NPAS3: variants seen among roughly 807,000 people sequenced by gnomAD.
The protein encoded by NPAS3 is neuronal PAS domain protein 3, also known as neuronal PAS domain-containing protein 3.
In NPAS3, 14 loss-of-function variants were observed where a neutral mutation model predicts 73.1. The ratio of observed to expected loss-of-function variants is 0.19; its 90% CI spans 0.13 to 0.30. NPAS3 has a LOEUF of 0.30. NPAS3 is among the 10% of genes least tolerant of loss of function. NPAS3 has a pLI of 1.00. For synonymous variants in NPAS3, 620 were observed against 541.5 expected, an observed-to-expected ratio of 1.14 and a Z score of -2.01; for missense variants, 1,096 against 1,250.0, an observed-to-expected ratio of 0.88 and a Z score of 1.86.
chr14:33,054,169 C>A (rs1035673345), intron 1 of NPAS3, among the ~76,000 whole-genome samples: 1 of 152,108 alleles, frequency 6.6e-6, no homozygotes, highest in Non-Finnish European at 1.5e-5. Context: ...TAAACCTGGG[C>A]TTCATTTCAA....
chr14:33,124,054 A>G (rs1309702105), intron 2 of NPAS3, among the ~76,000 whole-genome samples: 2 of 151,632 alleles, frequency 1.3e-5, no homozygotes, highest in South Asian at 2.1e-4. Flanking sequence ...GGGTCTTGCC[A>G]TGTTGCCCTG....
At chr14:33,153,685 G>C (rs1000495681) in intron 2 of NPAS3, among the ~76,000 whole-genome samples, 1 of 152,076 alleles carries the variant, frequency 6.6e-6, no homozygotes, top group East Asian at 1.9e-4. Flanking sequence ...GCATCTCAAA[G>C]AGCTTTCATA....
chr14:33,177,366 G>T (rs1050838235), intron 2 of NPAS3, among the ~76,000 whole-genome samples: 1 of 151,738 alleles, frequency 6.6e-6, no homozygotes, highest in Non-Finnish European at 1.5e-5. Context: ...AAAGAGCTGG[G>T]TATCTTTTTA....
At chr14:33,666,444 C>T (rs1475158167) in intron 5 of NPAS3, among the ~76,000 whole-genome samples, 4 of 152,174 alleles carry the variant, frequency 2.6e-5, no homozygotes, top group African/African-American at 7.2e-5. Flanking sequence ...AAGTGTGAAT[C>T]GTGAACTAGC....
At chr14:33,783,048 T>G (rs2063030512) in intron 9 of NPAS3, among the ~76,000 whole-genome samples, 1 of 152,158 alleles carries the variant, frequency 6.6e-6, no homozygotes. Context: ...GGCCCTCCAT[T>G]GTAATTCCTT....
chr14:33,610,881 CT>C (rs984704256), intron 5 of NPAS3: 107 of 152,314 alleles, frequency 7.0e-4, no homozygotes, highest in African/African-American at 2.5e-3. Flanking sequence ...GTTCTAAAAA[CT>C]TTGCCCGAGA....
chr14:33,484,769 C>T (rs1405458140), intron 4 of NPAS3, among the ~76,000 whole-genome samples: 5 of 152,154 alleles, frequency 3.3e-5, no homozygotes, highest in Non-Finnish European at 5.9e-5. Flanking sequence ...CTCTACTGAT[C>T]GGCCAGCCTG....
chr14:33,121,175 T>C (rs2043217949), intron 2 of NPAS3, among the ~76,000 whole-genome samples: 2 of 152,276 alleles, frequency 1.3e-5, no homozygotes, highest in South Asian at 4.1e-4. Context: ...TGACTCATCA[T>C]GCCCTGAGCA....
chr14:33,485,365 G>A (rs146381515), intron 4 of NPAS3, among the ~76,000 whole-genome samples: 64 of 152,214 alleles, frequency 4.2e-4, no homozygotes, highest in African/African-American at 1.3e-3. Context: ...ATTTAAGTCG[G>A]TGCTTGCCTG....
intron 7 of NPAS3, among the ~76,000 whole-genome samples, chr14:33,752,527 A>G (rs1471772233): frequency 2.6e-5 from 4 of 152,242 alleles, no homozygotes; most frequent in Non-Finnish European, 1.5e-5. Context: ...GGCTTTTTGC[A>G]TGTACTAAAG....
At chr14:33,509,045 G>T (rs1217702650) in intron 4 of NPAS3, among the ~76,000 whole-genome samples, 5 of 144,130 alleles carry the variant, frequency 3.5e-5, no homozygotes, top group African/African-American at 4.9e-5. Context: ...ACCTTTAAAG[G>T]TTATCCAACT....
intron 6 of NPAS3, among the ~76,000 whole-genome samples, chr14:33,677,599 A>G (rs2059804785): frequency 7.9e-6 from 1 of 126,968 alleles, no homozygotes; most frequent in South Asian, 3.0e-4. Context: ...TAATCACGAT[A>G]TGTTTTCTCA....
At chr14:33,666,560 T>G (rs1261360333) in intron 5 of NPAS3, among the ~76,000 whole-genome samples, 1 of 152,206 alleles carries the variant, frequency 6.6e-6, no homozygotes, top group East Asian at 1.9e-4. Flanking sequence ...TTTAAGGAAA[T>G]CCTAAAGGAT....
chr14:33,077,527 A>G (rs1294326271), intron 2 of NPAS3, among the ~76,000 whole-genome samples: 2 of 149,952 alleles, frequency 1.3e-5, no homozygotes, highest in East Asian at 4.0e-4. Flanking sequence ...ATTTCTTTTA[A>G]CAAAGCATAA....
intron 3 of NPAS3, among the ~76,000 whole-genome samples, chr14:33,222,040 G>A (rs1295747935): frequency 6.6e-6 from 1 of 152,168 alleles, no homozygotes; most frequent in Non-Finnish European, 1.5e-5. Context: ...ATGGACAGCT[G>A]TGTAGAAATA....
chr14:33,489,448 A>T (rs1205125837), intron 4 of NPAS3, among the ~76,000 whole-genome samples: 1 of 152,104 alleles, frequency 6.6e-6, no homozygotes, highest in Non-Finnish European at 1.5e-5. Context: ...TTGATATTTT[A>T]AAAAAACAGC....
chr14:33,100,891 A>G (rs1209923889), intron 2 of NPAS3, among the ~76,000 whole-genome samples: 1 of 152,154 alleles, frequency 6.6e-6, no homozygotes, highest in African/African-American at 2.4e-5. Flanking sequence ...TTTGAAGGTA[A>G]ATGTTTACCT....
chr14:32,963,375 G>C (rs2037011352), intron 1 of NPAS3, among the ~76,000 whole-genome samples: 1 of 152,152 alleles, frequency 6.6e-6, no homozygotes, highest in Admixed American at 6.5e-5. Context: ...TAATGGATCA[G>C]GCTGTTCCAA....
At chr14:32,934,793 C>T (rs1235310767), upstream of NPAS3, 3 of 227,524 alleles carry the variant, frequency 1.3e-5, no homozygotes, top group East Asian at 1.8e-4. This position sits in a 1 kb window ranked among gnomAD's most constrained non-coding sequence, Gnocchi z 4.1. Context: ...CGAGCCCGAG[C>T]CCCCGCCAGC....
Sources: allele counts gnomAD v4.1 joint callset (sites outside exome capture counted in the v4.1 genomes callset), GRCh38; gene constraint gnomAD v4.1.1; non-coding constraint Gnocchi (gnomAD v3.1); transcripts MANE v1.5; gene names NCBI Gene and HGNC (gene_info 2026-07-23, HGNC 2026-07-21).